The following ACER2 variants were observed in gnomAD, a reference collection of about 807,000 sequenced individuals.
ACER2 encodes alkCDase 2.
ACER2 carries 26 observed loss-of-function variants against 34.7 expected under a neutral mutation model. That is an observed-to-expected ratio of 0.75 (90% confidence interval 0.55 to 1.04). ACER2 has a LOEUF of 1.04. Among genes scored for constraint, ACER2 ranks in the 50% least tolerant of loss-of-function variants. The pLI is 0.00. For missense variants in ACER2, 352 were observed against 340.8 expected, an observed-to-expected ratio of 1.03 and a Z score of -0.26; for synonymous variants, 138 against 132.1, an observed-to-expected ratio of 1.04 and a Z score of -0.31.
intron 3 of ACER2, among the ~76,000 whole-genome samples, chr9:19,427,970 C>CTT (rs1287456812): frequency 1.4e-5 from 2 of 142,224 alleles, no homozygotes; most frequent in Admixed American, 1.4e-4. Context: ...CCTTCCTTTC[C>CTT]TTTCCTTTTT....
intron 3 of ACER2, among the ~76,000 whole-genome samples, chr9:19,433,887 C>G (rs1029220312): frequency 1.7e-4 from 25 of 148,834 alleles, no homozygotes; most frequent in African/African-American, 6.2e-4. Context: ...ACCTCCCGGA[C>G]GGGGCGGCTG....
intron 4 of ACER2, 104 bp from the exon 5 acceptor site, chr9:19,446,177 G>A: frequency 6.6e-7 from 1 of 1,523,442 alleles, no homozygotes. Context: ...GTGTCTTGGG[G>A]TTGTAGGCAT....
chr9:19,439,581 C>G (rs531105167), intron 4 of ACER2, among the ~76,000 whole-genome samples: 68 of 152,312 alleles, frequency 4.5e-4, no homozygotes, highest in African/African-American at 1.6e-3. Context: ...ATCTGAGTCT[C>G]TACTGCCTTC....
chr9:19,420,953 T>C (rs1290240016), intron 1 of ACER2, among the ~76,000 whole-genome samples: 1 of 152,174 alleles, frequency 6.6e-6, no homozygotes, highest in Admixed American at 6.5e-5. Context: ...GAGAAATGTA[T>C]TGTCAGGAGA....
chr9:19,424,525 G>C, intron 2 of ACER2, 175 bp from the exon 3 acceptor site: 11 of 985,386 alleles, frequency 1.1e-5, no homozygotes, highest in Non-Finnish European at 1.3e-5. Context: ...CTTCTTTCTA[G>C]ACTGGAGGCA....
intron 3 of ACER2, 132 bp downstream of exon 3, chr9:19,424,973 C>G (rs1830515990): frequency 1.7e-5 from 20 of 1,165,534 alleles, no homozygotes; most frequent in Middle Eastern, 2.1e-4. Flanking sequence ...TGTTCAATAT[C>G]TACTGATTGT....
At chr9:19,415,536 AAAT>A (rs1419274283) in intron 1 of ACER2, among the ~76,000 whole-genome samples, 2 of 151,880 alleles carry the variant, frequency 1.3e-5, no homozygotes, top group Non-Finnish European at 2.9e-5. Flanking sequence ...AAATAAATAA[AAAT>A]TAAAAATTAA....
intron 4 of ACER2, among the ~76,000 whole-genome samples, chr9:19,442,627 T>C (rs548025081): frequency 1.3e-5 from 2 of 152,368 alleles, no homozygotes; most frequent in African/African-American, 4.8e-5. Flanking sequence ...TCCAACACAT[T>C]GCTCTCCGTT....
intron 3 of ACER2, among the ~76,000 whole-genome samples, chr9:19,433,220 C>T (rs1257582081): frequency 1.6e-5 from 2 of 125,348 alleles, no homozygotes; most frequent in African/African-American, 6.1e-5. Flanking sequence ...TTGGCAGGGT[C>T]ATAGGACAAT....
chr9:19,449,711 C>T (rs962666356), intron 5 of ACER2, among the ~76,000 whole-genome samples: 9 of 151,602 alleles, frequency 5.9e-5, no homozygotes, highest in African/African-American at 1.9e-4. Flanking sequence ...TGGTGAAACC[C>T]CCTCCCTCTC....
chr9:19,420,476 T>A (rs1313347952), intron 1 of ACER2, among the ~76,000 whole-genome samples: 2 of 152,198 alleles, frequency 1.3e-5, no homozygotes, highest in Non-Finnish European at 2.9e-5. Context: ...TGAATGTTCC[T>A]ACCGCTTCAT....
In ACER2 at chr9:19,452,450, G is replaced by C. The variant is rs192263009; in HGVS notation, c.*1814G>C. Among the ~76,000 whole-genome samples the C allele has an allele frequency of 8.7e-4, 133 of 152,296 alleles. No homozygotes were observed. The highest frequency in any genetic ancestry group is 3.1e-3 in the African/African-American group (127 of 41,566). ...ACGCTGTTTGTAGTAAGAAATCTTT[G>C]TGGAACCCCAGTGTGTGAAGTAAAT... On this transcript the variant is annotated 3_prime_UTR_variant, in exon 6 of 6. Coordinates refer to ENST00000340967, the MANE Select transcript of ACER2 (RefSeq NM_001010887.3).
chr9:19,417,472 C>A (rs1830271991), intron 1 of ACER2, among the ~76,000 whole-genome samples: 1 of 152,132 alleles, frequency 6.6e-6, no homozygotes, highest in South Asian at 2.1e-4. Context: ...CTTCATACTA[C>A]AAGGCTATGG....
intron 4 of ACER2, chr9:19,446,055 CTG>C: frequency 1.4e-6 from 1 of 735,750 alleles, no homozygotes; most frequent in East Asian, 2.6e-5. Context: ...GTGTATGAGT[CTG>C]GAGTCAGGAG....
chr9:19,409,671 A>C (rs1589026252), intron 1 of ACER2: 1 of 914,526 alleles, frequency 1.1e-6, no homozygotes, highest in East Asian at 1.2e-4. Flanking sequence ...GGTCACTCCC[A>C]CCAGGCAGAC....
chr9:19,439,344 C>CTTTTTTTTTTTTTTTTTTTTT (rs55690063), intron 4 of ACER2, among the ~76,000 whole-genome samples: 1 of 138,758 alleles, frequency 7.2e-6, no homozygotes, highest in African/African-American at 2.7e-5. Flanking sequence ...AAGGGGCTTG[C>CTTTTTTTTTTTTTTTTTTTTT]TTTTTTTTTT....
chr9:19,434,065 C>G (rs1348284686), intron 3 of ACER2, among the ~76,000 whole-genome samples: 2 of 146,118 alleles, frequency 1.4e-5, no homozygotes, highest in African/African-American at 2.7e-5. Context: ...ACGGGGCGGC[C>G]GGGCAGAGAC....
intron 3 of ACER2, among the ~76,000 whole-genome samples, chr9:19,426,982 A>T (rs1830590977): frequency 6.6e-6 from 1 of 152,160 alleles, no homozygotes; most frequent in African/African-American, 2.4e-5. Flanking sequence ...TCTCTGGGGA[A>T]GATGTGAAGA....
chr9:19,435,137 C>A (rs1029483273), intron 4 of ACER2, 53 bp downstream of exon 4: 13 of 1,597,224 alleles, frequency 8.1e-6, no homozygotes, highest in African/African-American at 8.1e-5. Context: ...TGGGAACACA[C>A]CAGTTCGGGG....
Sources: gnomAD v4.1 joint callset for allele counts (sites outside exome capture counted in the v4.1 genomes callset) on GRCh38, gnomAD v4.1.1 for gene constraint, MANE v1.5 for transcripts, NCBI Gene and HGNC (gene_info 2026-07-23, HGNC 2026-07-21) for gene names.